Variants in PPP1R1C observed in about 807,000 individuals in gnomAD.
The protein encoded by PPP1R1C is protein phosphatase 1 regulatory inhibitor subunit 1C.
Under a neutral mutation model 17.4 loss-of-function variants are expected in PPP1R1C, and 15 were observed. The observed-to-expected ratio is 0.86, with a 90% CI of 0.58 to 1.33. PPP1R1C has a LOEUF of 1.33. Ranked by LOEUF, PPP1R1C falls within the 40% of genes most tolerant of loss-of-function variation. PPP1R1C has a pLI of 0.00. For synonymous variants in PPP1R1C, 35 were observed against 43.1 expected (o/e 0.81, Z 0.73); for missense variants, 143 against 130.0 (o/e 1.10, Z -0.48).
Position 181,961,166 on chromosome 2 carries a change from A to T in PPP1R1C, n.111+6532A>T. The stretch of plus-strand genomic sequence containing the variant: ...CCTTTCACCTCTGAACTTTTTATTG[A>T]CCTCCTGCTCCCCAAAGGGTACCCT... On this transcript the variant is annotated intron_variant and non_coding_transcript_variant, in intron 1 of 5. Transcript: ENST00000464264. The surrounding 1 kb of genome is among the most constrained non-coding windows in gnomAD (Gnocchi z 5.8). 1 of 748,832 alleles carries T rather than the reference A, an allele frequency of 1.3e-6. No individual in the cohort carries two copies. Among genetic ancestry groups the T allele is most frequent in the Non-Finnish European group, 2.3e-6 (1 of 430,244 alleles). 46.4% of individuals were successfully genotyped at this position (748,832 alleles called of 1,614,324 possible).
At chr2:181,986,245 C>A (rs1268808218) in intron 1 of PPP1R1C, 54 bp downstream of exon 1, 5 of 1,300,646 alleles carry the variant, frequency 3.8e-6, no homozygotes, top group Non-Finnish European at 5.6e-6. Context: ...TATGAACATG[C>A]ATTCTGGTTA....
At chr2:181,977,183 A>AT (rs1483375562) in intron 2 of PPP1R1C, among the ~76,000 whole-genome samples, 2 of 121,982 alleles carry the variant, frequency 1.6e-5, no homozygotes, top group East Asian at 2.8e-4. Flanking sequence ...AGCTAGGCTA[A>AT]TTTTTTATCA....
At chr2:182,002,927 A>ACCCCCCCC (rs200353111) in intron 2 of PPP1R1C, among the ~76,000 whole-genome samples, 34 of 90,896 alleles carry the variant, frequency 3.7e-4, no homozygotes, top group Non-Finnish European at 6.0e-4. Context: ...GATGCCATAA[A>ACCCCCCCC]CCTCCCCCCC....
intron 2 of PPP1R1C, among the ~76,000 whole-genome samples, chr2:182,012,318 A>C (rs1244796604): frequency 1.3e-5 from 2 of 151,894 alleles, no homozygotes; most frequent in Admixed American, 1.3e-4. Context: ...ACAATTGTTA[A>C]ATCCCCTTGC....
chr2:182,012,776 G>C (rs1057358878), intron 2 of PPP1R1C, among the ~76,000 whole-genome samples: 2 of 151,758 alleles, frequency 1.3e-5, no homozygotes, highest in African/African-American at 4.8e-5. Flanking sequence ...TGTATGTTTT[G>C]TGATTTGAGA....
intron 4 of PPP1R1C, among the ~76,000 whole-genome samples, chr2:182,070,744 T>A (rs899636356): frequency 6.6e-6 from 1 of 151,846 alleles, no homozygotes; most frequent in African/African-American, 2.4e-5. Flanking sequence ...AGAAAAGAGG[T>A]TTAATTGGCT....
chr2:182,119,898 G>A (rs927882896), downstream of PPP1R1C, among the ~76,000 whole-genome samples: 9 of 152,174 alleles, frequency 5.9e-5, no homozygotes, highest in African/African-American at 1.9e-4. Context: ...TGTGCAGAAG[G>A]TCTTTAGTTT....
At chr2:182,083,150 G>A (rs895375511) in intron 4 of PPP1R1C, among the ~76,000 whole-genome samples, 9 of 152,160 alleles carry the variant, frequency 5.9e-5, no homozygotes, top group Non-Finnish European at 1.3e-4. Context: ...ACAAAAGAAA[G>A]ATTAGATTAT....
chr2:182,131,206 TG>T (rs1690000213), downstream of PPP1R1C: 6 of 152,114 alleles, frequency 3.9e-5, no homozygotes, highest in Admixed American at 3.9e-4. Flanking sequence ...GAGCAGTGTG[TG>T]TGTGTGTTTG....
At chr2:182,024,342 T>C (rs997617391) in intron 2 of PPP1R1C, among the ~76,000 whole-genome samples, 3 of 152,088 alleles carry the variant, frequency 2.0e-5, no homozygotes, top group African/African-American at 7.2e-5. Flanking sequence ...AACCAAAAAA[T>C]TTAAGGGTTA....
At chr2:182,121,081 C>T (rs1689722396), downstream of PPP1R1C, among the ~76,000 whole-genome samples, 1 of 152,104 alleles carries the variant, frequency 6.6e-6, no homozygotes, top group Non-Finnish European at 1.5e-5. Flanking sequence ...TTTCTAGAAG[C>T]CAACTTGGCT....
At chr2:182,001,127 C>T (rs548336896) in intron 2 of PPP1R1C, among the ~76,000 whole-genome samples, 5 of 152,168 alleles carry the variant, frequency 3.3e-5, no homozygotes, top group African/African-American at 1.2e-4. Context: ...TTTAAAGTGG[C>T]CTTTGAAGCA....
intron 4 of PPP1R1C, among the ~76,000 whole-genome samples, chr2:182,071,339 G>A (rs1439618824): frequency 6.6e-6 from 1 of 152,106 alleles, no homozygotes. Flanking sequence ...TCCCTGTACC[G>A]GGATTTGACT....
chr2:182,046,093 T>TTTCCTTCCTTCCTTCCTTCCTTCC (rs56180506), intron 2 of PPP1R1C, among the ~76,000 whole-genome samples: 26 of 144,090 alleles, frequency 1.8e-4, no homozygotes, highest in African/African-American at 4.8e-4. Context: ...CCCTCCTACA[T>TTTCCTTCCTTCCTTCCTTCCTTCC]TTCCTTCCTT....
chr2:182,015,811 G>T (rs1228446222), intron 2 of PPP1R1C, among the ~76,000 whole-genome samples: 21 of 152,028 alleles, frequency 1.4e-4, no homozygotes, highest in Non-Finnish European at 1.5e-4. Context: ...TTATTCTATT[G>T]TCTGCTCTTC....
At chr2:182,043,829 A>G (rs910287445) in intron 2 of PPP1R1C, among the ~76,000 whole-genome samples, 3 of 151,916 alleles carry the variant, frequency 2.0e-5, no homozygotes, top group East Asian at 1.9e-4. Context: ...ATCCTCTCTC[A>G]TGGCTTTATT....
chr2:182,107,404 T>C (rs1162054770), intron 4 of PPP1R1C, among the ~76,000 whole-genome samples: 1 of 152,222 alleles, frequency 6.6e-6, no homozygotes, highest in East Asian at 1.9e-4. Flanking sequence ...CAAGCATTCT[T>C]GTCTGAGAGT....
chr2:181,957,500 T>G lies in PPP1R1C; in HGVS notation n.111+2866T>G, dbSNP rs1212419296. Among the ~76,000 whole-genome samples the G allele has an allele frequency of 2.0e-5, 3 of 152,222 alleles. No individual in the cohort carries two copies. Among genetic ancestry groups the G allele is most frequent in the African/African-American group, 7.2e-5 (3 of 41,462 alleles). Reference sequence around the variant, plus strand: ...ATTTAGAAATATTATTAAGTCCCTTTAACTTACTGAATCATAACAGACATT... The same window carrying G: ...ATTTAGAAATATTATTAAGTCCCTTGAACTTACTGAATCATAACAGACATT... On this transcript the variant is annotated intron_variant and non_coding_transcript_variant, in intron 1 of 5. Transcript: ENST00000464264. This position sits in a 1 kb window ranked among gnomAD's most constrained non-coding sequence, Gnocchi z 4.2.
intron 4 of PPP1R1C, among the ~76,000 whole-genome samples, chr2:182,064,783 T>C (rs1345256636): frequency 6.6e-6 from 1 of 152,082 alleles, no homozygotes; most frequent in Non-Finnish European, 1.5e-5. Flanking sequence ...TTATTGAGAC[T>C]ACTAGGCATC....
Sources: allele counts gnomAD v4.1 joint callset (sites outside exome capture counted in the v4.1 genomes callset), GRCh38; gene constraint gnomAD v4.1.1; non-coding constraint Gnocchi (gnomAD v3.1); transcripts MANE v1.5; gene names NCBI Gene and HGNC (gene_info 2026-07-23, HGNC 2026-07-21).